Variants in PLEKHG4B observed in about 807,000 individuals in gnomAD.
PLEKHG4B encodes pleckstrin homology domain-containing family G member 4B.
PLEKHG4B carries 111 observed loss-of-function variants against 121.3 expected under a neutral mutation model. The ratio of observed to expected loss-of-function variants is 0.92; its 90% confidence interval spans 0.78 to 1.07. The LOEUF (loss-of-function observed/expected upper bound fraction) is 1.07, where lower values mean the gene tolerates loss of function less well. Ranked by LOEUF, PLEKHG4B falls within the 50% of genes least tolerant of loss-of-function variation. The pLI is 0.00. For missense variants in PLEKHG4B, 1,831 were observed against 1,757.8 expected (o/e 1.04, Z -0.74); for synonymous variants, 738 against 725.0 (o/e 1.02, Z -0.29).
chr5:182,529 A>G lies in PLEKHG4B; in HGVS notation c.*206A>G. ...CAAATTTATAATTTTGTCTTATTTA[A>G]AAAACAAACCTTCCACTTCCACCCA... On this transcript the variant is annotated 3_prime_UTR_variant, in exon 20 of 20. Transcript: ENST00000637938. 1.7e-6 allele frequency: 1 copy of G among 593,514 alleles called. No homozygotes were observed. The highest frequency in any genetic ancestry group is 2.9e-6 in the Non-Finnish European group (1 of 345,726). 36.8% of individuals were successfully genotyped at this position (593,514 alleles called of 1,614,324 possible). A position where few individuals can be genotyped will look rare whatever the true frequency, so the allele number is the denominator to read the frequency against.
At chr5:162,661 G>C in intron 12 of PLEKHG4B, 61 bp from the exon 13 acceptor site, 6 of 1,241,954 alleles carry the variant, frequency 4.8e-6, no homozygotes, top group Non-Finnish European at 6.3e-6. Context: ...AGCAGGGCCT[G>C]AGCTGGCTCC....
chr5:175,380 G>A (rs1027967437), intron 18 of PLEKHG4B, among the ~76,000 whole-genome samples: 8 of 151,922 alleles, frequency 5.3e-5, no homozygotes, highest in Non-Finnish European at 7.4e-5. Flanking sequence ...TGGCGGCTGC[G>A]AACACCACCT....
At chr5:175,536 T>C (rs1291273469) in intron 18 of PLEKHG4B, among the ~76,000 whole-genome samples, 1 of 152,018 alleles carries the variant, frequency 6.6e-6, no homozygotes, top group Non-Finnish European at 1.5e-5. Context: ...AGCTCTGGCC[T>C]CTCAGACCTA....
intron 8 of PLEKHG4B, 99 bp downstream of exon 8, chr5:155,090 T>C: frequency 9.6e-7 from 1 of 1,046,392 alleles, no homozygotes; most frequent in Non-Finnish European, 1.5e-6. Flanking sequence ...TCACCGTCCC[T>C]GATCTGATGC....
chr5:134,765 CA>C lies in PLEKHG4B; in HGVS notation c.244-4702del, dbSNP rs147226236. On this transcript the variant is annotated intron_variant, in intron 2 of 19. Transcript: ENST00000637938. The stretch of plus-strand genomic sequence containing the variant: ...TGGGCAACAGAGTGAGACTCTGTCT[CA>C]AAAAAAAAAAAAAAAGAAAAGAAAA... 8.5e-3 allele frequency among the ~76,000 whole-genome samples: 722 copies of C among 84,678 alleles called. 2 individuals are homozygous for C. The highest frequency in any genetic ancestry group is 0.014 in the Middle Eastern group (2 of 142). The allele number at this position is 84,678 out of a possible 152,430, so 55.6% of individuals were successfully genotyped here.
Position 156,808 on chromosome 5 carries a change from G to C in PLEKHG4B, c.2384G>C (p.Arg795Pro). The change falls in exon 11 of 20, where the codon CGA (arginine) becomes CCA (proline). Residue 795 changes from arginine to proline, a missense_variant. By Grantham distance (103) the Arg-to-Pro change is moderately radical (BLOSUM62 -2). Transcript: ENST00000637938. This position sits in a 1 kb window ranked among gnomAD's most constrained non-coding sequence, Gnocchi z 4.4. ...GAGGCCGCCACAAGCCTGTACGACC[G>C]AGTGGATGAGGAGGTGCACAGGCTG... ...TLEAATSLYD[R>P]VDEEVHRLVL... 6.3e-7 allele frequency: 1 copy of C among 1,579,142 alleles called. No homozygotes were observed. Among genetic ancestry groups the C allele is most frequent in the Non-Finnish European group, 8.6e-7 (1 of 1,162,722 alleles).
At chr5:171,490 G>A in intron 16 of PLEKHG4B, 46 bp downstream of exon 16, 1 of 1,494,820 alleles carries the variant, frequency 6.7e-7, no homozygotes, top group African/African-American at 1.4e-5. Flanking sequence ...GGGGGAATTT[G>A]AGGCTGCTGG....
intron 1 of PLEKHG4B, among the ~76,000 whole-genome samples, chr5:98,382 A>AATGTCAAT (rs1733688783): frequency 6.9e-6 from 1 of 145,104 alleles, no homozygotes; most frequent in South Asian, 2.2e-4. Context: ...CTATACCCTC[A>AATGTCAAT]ATGTCAATTC....
chr5:174,700 G>C (rs1736698125), intron 18 of PLEKHG4B, among the ~76,000 whole-genome samples: 1 of 152,070 alleles, frequency 6.6e-6, no homozygotes, highest in Non-Finnish European at 1.5e-5. Flanking sequence ...ATAGCAGTTT[G>C]GTTGGCTGCA....
At position 156,359 on chromosome 5, in the gene PLEKHG4B, G is replaced by T; in HGVS notation, c.2348+149G>T. 1 of 951,044 alleles carries T rather than the reference G, an allele frequency of 1.1e-6. No homozygotes were observed. The highest frequency in any genetic ancestry group is 1.4e-6 in the Non-Finnish European group (1 of 706,002). The allele number at this position is 951,044 out of a possible 1,614,324, so 58.9% of individuals were successfully genotyped here. A position where few individuals can be genotyped will look rare whatever the true frequency, so the allele number is the denominator to read the frequency against. ...CATTCTGACAGCCACGCTTTGCCTG[G>T]GTCAGAGCTTTTCCACATTTACAGG... On this transcript the variant is annotated intron_variant, in intron 10 of 19. Coordinates refer to ENST00000637938, the MANE Select transcript of PLEKHG4B (RefSeq NM_052909.5). This position sits in a 1 kb window ranked among gnomAD's most constrained non-coding sequence, Gnocchi z 4.4.
At chr5:150,039 CAG>C (rs1392028304) in intron 6 of PLEKHG4B, among the ~76,000 whole-genome samples, 1 of 152,184 alleles carries the variant, frequency 6.6e-6, no homozygotes, top group Non-Finnish European at 1.5e-5. Context: ...AAATTGAAAG[CAG>C]AGTTTCAGAG....
chr5:101,593 C>A (rs1361823743), intron 1 of PLEKHG4B, among the ~76,000 whole-genome samples: 1 of 130,344 alleles, frequency 7.7e-6, no homozygotes, highest in African/African-American at 3.6e-5. Context: ...TGAGGTAAAT[C>A]CATATAAAGC....
rs1733576950 is a variant in PLEKHG4B at position 185,006 on chromosome 5, A to G, written c.*2683A>G. The G allele has an allele frequency of 6.6e-6, 1 of 152,248 alleles. No individual in the cohort carries two copies. The allele number at this position is 152,248 out of a possible 1,614,324, so 9.4% of individuals were successfully genotyped here. A position where few individuals can be genotyped will look rare whatever the true frequency, so the allele number is the denominator to read the frequency against. On this transcript the variant is annotated 3_prime_UTR_variant, in exon 20 of 20. Coordinates refer to ENST00000637938, the MANE Select transcript of PLEKHG4B (RefSeq NM_052909.5). ...GGATGTGATACGTGAAGTGAGGGGT[A>G]TCACTTGAAGGTAGATTGTGGTAAG...
chr5:161,382 T>C (rs1735994081), intron 11 of PLEKHG4B, among the ~76,000 whole-genome samples: 1 of 152,176 alleles, frequency 6.6e-6, no homozygotes, highest in Non-Finnish European at 1.5e-5. Flanking sequence ...ACAATGAAAA[T>C]AGTTTGGAGC....
At chr5:127,703 A>C (rs987941373) in intron 2 of PLEKHG4B, among the ~76,000 whole-genome samples, 2 of 152,156 alleles carry the variant, frequency 1.3e-5, no homozygotes, top group African/African-American at 4.8e-5. Context: ...GTCACCAGCC[A>C]CAGTGATTAG....
In PLEKHG4B at chr5:186,570, CGT is replaced by C. The variant is rs2126476179; in HGVS notation, c.*4248_*4249del. On this transcript the variant is annotated 3_prime_UTR_variant, in exon 20 of 20. Coordinates refer to ENST00000637938, the MANE Select transcript of PLEKHG4B (RefSeq NM_052909.5). ...GGGGACGTGGGAGACAGCCCCGATG[CGT>C]CCCCATCCGCAGTGACGCTAGCGCG... 1 of 152,362 alleles carries C rather than the reference CGT, an allele frequency of 6.6e-6. No homozygotes were observed. Among genetic ancestry groups the C allele is most frequent in the South Asian group, 2.1e-4 (1 of 4,834 alleles). 9.4% of individuals were successfully genotyped at this position (152,362 alleles called of 1,614,324 possible). A position where few individuals can be genotyped will look rare whatever the true frequency, so the allele number is the denominator to read the frequency against.
intron 5 of PLEKHG4B, among the ~76,000 whole-genome samples, chr5:144,532 G>A (rs553383526): frequency 6.6e-6 from 1 of 152,276 alleles, no homozygotes; most frequent in East Asian, 1.9e-4. Context: ...GATGGAGCAC[G>A]GCCCATTTCG....
In PLEKHG4B at chr5:140,088, C is replaced by T. The variant is rs1735108927; in HGVS notation, c.849C>T (p.Ser283=). Residue 283 remains serine, a synonymous_variant, in exon 3 of 20, where the codon AGC becomes AGT. Coordinates refer to ENST00000637938, the MANE Select transcript of PLEKHG4B (RefSeq NM_052909.5). The part of the protein sequence containing the change: ...ELGSPRTLSG[S]SDRDFEKVSP... ...GAAGCCCCAGGACCCTGTCTGGAAG[C>T]TCAGACAGGGACTTCGAAAAGGTCA... 1.0e-5 allele frequency: 5 copies of T among 477,438 alleles called. No homozygotes were observed. Among genetic ancestry groups the T allele is most frequent in the Middle Eastern group, 5.4e-4 (1 of 1,868 alleles). The allele number at this position is 477,438 out of a possible 1,614,324, so 29.6% of individuals were successfully genotyped here. A position where few individuals can be genotyped will look rare whatever the true frequency, so the allele number is the denominator to read the frequency against.
rs1491396646 is a variant in PLEKHG4B at position 184,010 on chromosome 5, TAG to T, written c.*1689_*1690del. ...ATAGATCGATAGATAGATAGATAGA[TAG>T]ATAGATAGATAGATAGACTGACAGA... On this transcript the variant is annotated 3_prime_UTR_variant, in exon 20 of 20. Transcript: ENST00000637938. 1 of 150,742 alleles carries T rather than the reference TAG, an allele frequency of 6.6e-6. No individual in the cohort carries two copies. Among genetic ancestry groups the T allele is most frequent in the Non-Finnish European group, 1.5e-5 (1 of 67,814 alleles). 9.3% of individuals were successfully genotyped at this position (150,742 alleles called of 1,614,324 possible). A position where few individuals can be genotyped will look rare whatever the true frequency, so the allele number is the denominator to read the frequency against.
Sources: allele counts gnomAD v4.1 joint callset (sites outside exome capture counted in the v4.1 genomes callset), GRCh38; gene constraint gnomAD v4.1.1; non-coding constraint Gnocchi (gnomAD v3.1); transcripts MANE v1.5; gene names NCBI Gene and HGNC (gene_info 2026-07-23, HGNC 2026-07-21).